The following SMO variants were observed in gnomAD, a reference collection of about 807,000 sequenced individuals.
The protein encoded by SMO is smoothened, frizzled class receptor, also known as protein smoothened.
Under a neutral mutation model 81.6 loss-of-function variants are expected in SMO, and 40 were observed. The observed-to-expected ratio is 0.49, with a 90% CI of 0.38 to 0.64. SMO has a LOEUF of 0.64. SMO is among the 30% of genes least tolerant of loss of function. The pLI, the probability that SMO is intolerant of heterozygous loss-of-function variation, is 0.00. For synonymous variants in SMO, 434 were observed against 432.1 expected (o/e 1.00, Z -0.05); for missense variants, 916 against 1,061.1 (o/e 0.86, Z 1.90).
At position 129,210,296 on chromosome 7, in the gene SMO, T is replaced by A; in HGVS notation, c.1467-67T>A. 4 of 1,363,998 alleles carry A rather than the reference T, an allele frequency of 2.9e-6. No individual in the cohort carries two copies. Among genetic ancestry groups the A allele is most frequent in the Non-Finnish European group, 4.2e-6 (4 of 958,496 alleles). 84.5% of individuals were successfully genotyped at this position (1,363,998 alleles called of 1,614,324 possible). ...CTCTAGCCTGGGTGACAGAGCAAGA[T>A]CCTATCTCAAAAAAAGAGAGAGGAA... On this transcript the variant is annotated intron_variant, in intron 8 of 11. Transcript: ENST00000249373. The surrounding 1 kb of genome is among the most constrained non-coding windows in gnomAD (Gnocchi z 4.7).
Position 129,189,621 on chromosome 7 carries a change from A to C in SMO, c.331+139A>C. Reference sequence around the variant, plus strand: ...GGAGAGTTGGAGGGACAGATCCCGAAACTTTGGGGGCAGGTTACGTGCAGG... The same window carrying C: ...GGAGAGTTGGAGGGACAGATCCCGACACTTTGGGGGCAGGTTACGTGCAGG... On this transcript the variant is annotated intron_variant, in intron 1 of 11. Coordinates refer to ENST00000249373, the MANE Select transcript of SMO (RefSeq NM_005631.5). The surrounding 1 kb of genome is among the most constrained non-coding windows in gnomAD (Gnocchi z 4.7). 2 of 921,872 alleles carry C rather than the reference A, an allele frequency of 2.2e-6. No homozygotes were observed. Among genetic ancestry groups the C allele is most frequent in the Non-Finnish European group, 1.6e-6 (1 of 627,616 alleles). 57.1% of individuals were successfully genotyped at this position (921,872 alleles called of 1,614,324 possible).
chr7:129,210,867 C>T lies in SMO; in HGVS notation c.1653-98C>T. ...TTGAAGGACTTGAGGCCCTTGGGAG[C>T]CTCCTTCTCTGGAAAGAATGGCATC... On this transcript the variant is annotated intron_variant, in intron 9 of 11. Coordinates refer to ENST00000249373, the MANE Select transcript of SMO (RefSeq NM_005631.5). The surrounding 1 kb of genome is among the most constrained non-coding windows in gnomAD (Gnocchi z 4.7). The T allele has an allele frequency of 1.5e-6, 2 of 1,378,784 alleles. No homozygotes were observed. Among genetic ancestry groups the T allele is most frequent in the African/African-American group, 1.4e-5 (1 of 69,004 alleles). The allele number at this position is 1,378,784 out of a possible 1,614,324, so 85.4% of individuals were successfully genotyped here. A position where few individuals can be genotyped will look rare whatever the true frequency, so the allele number is the denominator to read the frequency against.
chr7:129,206,930 C>T lies in SMO; in HGVS notation c.1264+343C>T, dbSNP rs1276764565. Among the ~76,000 whole-genome samples the T allele has an allele frequency of 1.3e-5, 2 of 152,158 alleles. No individual in the cohort carries two copies. The highest frequency in any genetic ancestry group is 2.9e-5 in the Non-Finnish European group (2 of 68,020). On this transcript the variant is annotated intron_variant, in intron 6 of 11. Transcript: ENST00000249373. The surrounding 1 kb of genome is among the most constrained non-coding windows in gnomAD (Gnocchi z 4.4). ...CACAATCTTGGCTCACTGCAACCTT[C>T]GCCTCCTGGGTTCAAGTGATTCTCC...
At chr7:129,195,895 G>A (rs537325787) in intron 1 of SMO, among the ~76,000 whole-genome samples, 3,481 of 151,960 alleles carry the variant, frequency 0.023, 50 homozygotes, top group East Asian at 0.032. Context: ...AGGTCAGGAA[G>A]TCGAGACCAT....
chr7:129,203,534 G>C lies in SMO; in HGVS notation c.482G>C (p.Arg161Pro), dbSNP rs773562190. ...CCCTGTGCCATCGTGGAGAGGGAGCGGGGCTGGCCTGACTTCCTGCGCTGC... is the reference window on the plus strand; with the variant it reads ...CCCTGTGCCATCGTGGAGAGGGAGCCGGGCTGGCCTGACTTCCTGCGCTGC... ...RGPCAIVERE[R>P]GWPDFLRCTP... is the part of the protein sequence containing the mutation. Residue 161 changes from arginine to proline, a missense_variant, in exon 2 of 12, where the codon CGG becomes CCG. This residue lies in a region of SMO where 436 missense variants were observed against 570.9 expected (regional missense o/e 0.76). Transcript: ENST00000249373. 1 of 1,606,440 alleles carries C rather than the reference G, an allele frequency of 6.2e-7. No individual in the cohort carries two copies. The highest frequency in any genetic ancestry group is 1.7e-5 in the Admixed American group (1 of 59,882).
chr7:129,212,341 G>A lies in SMO; in HGVS notation c.2254G>A (p.Ala752Thr), dbSNP rs1439900357. The part of the protein sequence containing the change: ...SPPQDPFLPS[A>T]PAPVAWAHGR... ...CCCTCAGGATCCATTTCTGCCCAGT[G>A]CACCGGCCCCCGTGGCATGGGCTCA... Residue 752 changes from alanine (A) to threonine (T), a missense_variant, in exon 12 of 12, where the codon GCA (alanine) becomes ACA (threonine). Physicochemically the swap from Ala to Thr is moderately conservative, Grantham distance 58 (BLOSUM62 0). Around this residue, in one of 4 missense-constraint regions of SMO, gnomAD observed 324 missense variants for 312.9 expected, o/e 1.04. Coordinates refer to ENST00000249373, the MANE Select transcript of SMO (RefSeq NM_005631.5). This position sits in a 1 kb window ranked among gnomAD's most constrained non-coding sequence, Gnocchi z 5.0. The A allele has an allele frequency of 1.4e-5, 23 of 1,614,048 alleles. No individual in the cohort carries two copies. Among genetic ancestry groups the A allele is most frequent in the Middle Eastern group, 3.3e-4 (2 of 6,084 alleles).
In SMO at chr7:129,212,681, C is replaced by T. The variant is rs967806325; in HGVS notation, c.*230C>T. The T allele has an allele frequency of 2.5e-5, 14 of 566,658 alleles. No individual in the cohort carries two copies. In the African/African-American group the frequency reaches 2.6e-4, roughly 11 times the overall value. The allele number at this position is 566,658 out of a possible 1,614,324, so 35.1% of individuals were successfully genotyped here. On this transcript the variant is annotated 3_prime_UTR_variant, in exon 12 of 12. Transcript: ENST00000249373. This position sits in a 1 kb window ranked among gnomAD's most constrained non-coding sequence, Gnocchi z 5.0. Reference sequence around the variant, plus strand: ...GGGACAGGGCCCTGGAGCTCAGGGTCCTTGTTTCTGCCCTGCCAGCTGCAG... The same window carrying T: ...GGGACAGGGCCCTGGAGCTCAGGGTTCTTGTTTCTGCCCTGCCAGCTGCAG...
At chr7:129,193,804 ATATATATATATATG>A (rs1231926612) in intron 1 of SMO, among the ~76,000 whole-genome samples, 123 of 111,118 alleles carry the variant, frequency 1.1e-3, no homozygotes, top group African/African-American at 4.2e-3. Context: ...ATATATATAT[ATATATATATATATG>A]TATAGGCTGG....
rs2150657322 is a variant in SMO at position 129,212,417 on chromosome 7, A to G, written c.2330A>G (p.Asp777Gly). 1 of 1,613,616 alleles carries G rather than the reference A, an allele frequency of 6.2e-7. No individual in the cohort carries two copies. Among genetic ancestry groups the G allele is most frequent in the Non-Finnish European group, 8.5e-7 (1 of 1,179,776 alleles). ...GPIHSRTNLM[D>G]TELMDADSDF The stretch of plus-strand genomic sequence containing the variant: ...ATTCACTCCCGCACCAACCTGATGG[A>G]CACAGAACTCATGGATGCAGACTCG... Residue 777 changes from aspartate to glycine, a missense_variant, in exon 12 of 12, where the codon GAC becomes GGC. By Grantham distance (94) the Asp-to-Gly change is moderately conservative. Transcript: ENST00000249373. This position sits in a 1 kb window ranked among gnomAD's most constrained non-coding sequence, Gnocchi z 5.0.
At position 129,206,530 on chromosome 7, in the gene SMO, T is replaced by G; in HGVS notation, c.1207T>G (p.Phe403Val). The G allele has an allele frequency of 1.2e-6, 2 of 1,614,204 alleles. No homozygotes were observed. Among genetic ancestry groups the G allele is most frequent in the Non-Finnish European group, 1.7e-6 (2 of 1,180,034 alleles). ...CAAGAACTACCGATACCGTGCGGGC[T>G]TCGTGCTGGCCCCAATCGGCCTGGT... is the stretch of plus-strand genomic sequence containing the variant. ...GYKNYRYRAG[F>V]VLAPIGLVLI... The change falls in exon 6 of 12, where the codon TTC becomes GTC. Residue 403 changes from phenylalanine to valine, a missense_variant. Coordinates refer to ENST00000249373, the MANE Select transcript of SMO (RefSeq NM_005631.5). This position sits in a 1 kb window ranked among gnomAD's most constrained non-coding sequence, Gnocchi z 4.4.
chr7:129,212,746 G>A lies in SMO; in HGVS notation c.*295G>A. On this transcript the variant is annotated 3_prime_UTR_variant, in exon 12 of 12. Coordinates refer to ENST00000249373, the MANE Select transcript of SMO (RefSeq NM_005631.5). The surrounding 1 kb of genome is among the most constrained non-coding windows in gnomAD (Gnocchi z 5.0). Reference sequence around the variant, plus strand: ...TCTGCTCCATCGGGGCAGGGGGTATGCAGAGCTTGTGGTGGGGCAGGAACG... The same window carrying A: ...TCTGCTCCATCGGGGCAGGGGGTATACAGAGCTTGTGGTGGGGCAGGAACG... 2.2e-6 allele frequency: 1 copy of A among 460,784 alleles called. No homozygotes were observed. The highest frequency in any genetic ancestry group is 3.9e-6 in the Non-Finnish European group (1 of 258,260). 28.5% of individuals were successfully genotyped at this position (460,784 alleles called of 1,614,324 possible). A position where few individuals can be genotyped will look rare whatever the true frequency, so the allele number is the denominator to read the frequency against.
At chr7:129,203,617 G>A (rs772274568) in intron 2 of SMO, 28 bp downstream of exon 2, 6 of 1,568,642 alleles carry the variant, frequency 3.8e-6, no homozygotes, top group South Asian at 1.1e-5. Flanking sequence ...CAAGGTCCAG[G>A]CTCTCTGGGT....
At position 129,205,738 on chromosome 7, in the gene SMO, G is replaced by A. The variant is rs1343582356; in HGVS notation, c.876G>A (p.Glu292=). 6 of 1,610,762 alleles carry A rather than the reference G, an allele frequency of 3.7e-6. 1 individual carries two copies. The South Asian group carries it at 5.5e-5, about 15-fold the overall frequency. The change falls in exon 4 of 12, where the codon GAG becomes GAA. Residue 292 remains glutamate, a synonymous_variant. Coordinates refer to ENST00000249373, the MANE Select transcript of SMO (RefSeq NM_005631.5). Reference sequence around the variant, plus strand: ...AGTTCATGGATGGTGCCCGCCGAGAGATCGTCTGCCGTGCAGATGGCACCA... The same window carrying A: ...AGTTCATGGATGGTGCCCGCCGAGAAATCGTCTGCCGTGCAGATGGCACCA... ...LAQFMDGARR[E]IVCRADGTMR...
chr7:129,204,990 C>T (rs1004807378), intron 2 of SMO, among the ~76,000 whole-genome samples: 2 of 145,484 alleles, frequency 1.4e-5, no homozygotes, highest in African/African-American at 2.5e-5. Flanking sequence ...GGCGACAGAG[C>T]GAGACTGTCT....
At chr7:129,195,628 G>A (rs1320985414) in intron 1 of SMO, among the ~76,000 whole-genome samples, 1 of 151,682 alleles carries the variant, frequency 6.6e-6, no homozygotes. Flanking sequence ...TGACATAATA[G>A]TTATCAAATA....
In SMO at chr7:129,208,087, T is replaced by C. The variant is rs976968850; in HGVS notation, c.1265-672T>C. On this transcript the variant is annotated intron_variant, in intron 6 of 11. Coordinates refer to ENST00000249373, the MANE Select transcript of SMO (RefSeq NM_005631.5). The surrounding 1 kb of genome is among the most constrained non-coding windows in gnomAD (Gnocchi z 5.2). ...ATTAGGTTTGTAAAATATATTGATA[T>C]TAGTTTTGCTTGTTTCTTTTAACTT... is the stretch of plus-strand genomic sequence containing the variant. Among the ~76,000 whole-genome samples the C allele has an allele frequency of 6.6e-6, 1 of 152,232 alleles. No homozygotes were observed. Among genetic ancestry groups the C allele is most frequent in the Non-Finnish European group, 1.5e-5 (1 of 68,046 alleles).
chr7:129,203,291 C>T (rs917963414), intron 1 of SMO, 93 bp from the exon 2 acceptor site: 3 of 914,822 alleles, frequency 3.3e-6, no homozygotes, highest in Admixed American at 2.1e-5. Context: ...TGATGGGCTG[C>T]AGTGTGGCAA....
In SMO at chr7:129,211,012, A is replaced by G. The variant is rs1180041451; in HGVS notation, c.1700A>G (p.Lys567Arg). Residue 567 changes from lysine (K) to arginine (R), a missense_variant, in exon 10 of 12, where the codon AAG (lysine) becomes AGG (arginine). Lys to Arg is a conservative substitution (Grantham distance 26). Coordinates refer to ENST00000249373, the MANE Select transcript of SMO (RefSeq NM_005631.5). The surrounding 1 kb of genome is among the most constrained non-coding windows in gnomAD (Gnocchi z 4.6). ...GAGCCAAAGCGGATCAAGAAGAGCA[A>G]GATGATTGCCAAGGCCTTCTCTAAG... ...DDEPKRIKKSKMIAKAFSKRH... is the reference protein window; with the variant it reads ...DDEPKRIKKSRMIAKAFSKRH... 1 of 1,613,882 alleles carries G rather than the reference A, an allele frequency of 6.2e-7. No homozygotes were observed. The highest frequency in any genetic ancestry group is 8.5e-7 in the Non-Finnish European group (1 of 1,179,942).
chr7:129,199,678 A>C (rs1193560617), intron 1 of SMO, among the ~76,000 whole-genome samples: 4 of 152,148 alleles, frequency 2.6e-5, no homozygotes. Context: ...TGAAGGCTGC[A>C]GTGAGCCGTG....
Sources: gnomAD v4.1 joint callset for allele counts (sites outside exome capture counted in the v4.1 genomes callset) on GRCh38, gnomAD v4.1.1 for gene constraint, gnomAD v4.1.1 regional missense constraint, Gnocchi (gnomAD v3.1) non-coding constraint, MANE v1.5 for transcripts, NCBI Gene and HGNC (gene_info 2026-07-23, HGNC 2026-07-21) for gene names.